Variants in CHGB observed in about 807,000 individuals in gnomAD.
CHGB encodes the protein chromogranin B.
In CHGB, 46 loss-of-function variants were observed where a neutral mutation model predicts 69.9. The observed-to-expected ratio is 0.66, with a 90% confidence interval of 0.52 to 0.84. CHGB has a LOEUF of 0.84. Ranked by LOEUF, CHGB falls within the 40% of genes least tolerant of loss-of-function variation. The probability of loss-of-function intolerance (pLI) is 0.00; values close to 1 mark genes in which losing one functional copy is unlikely to be tolerated. For synonymous variants in CHGB, 312 were observed against 298.2 expected (o/e 1.05, Z -0.48); for missense variants, 796 against 822.2 (o/e 0.97, Z 0.39).
rs776406882 is a variant in CHGB at position 5,911,670 on chromosome 20, G to T, written c.37G>T (p.Val13Leu). ...GCTGCTTCTCAGCCTCCTGGGAGCC[G>T]TGGGGCTGGCGGGTGAGTGGGCGCG... ...PTLLLSLLGA[V>L]GLAAVNSMPV... Residue 13 changes from valine to leucine, a missense_variant, in exon 1 of 5, where the codon GTG becomes TTG. By Grantham distance (32) the Val-to-Leu change is conservative. Coordinates refer to ENST00000378961, the MANE Select transcript of CHGB (RefSeq NM_001819.3). 1.4e-5 allele frequency: 21 copies of T among 1,488,032 alleles called. No individual in the cohort carries two copies. The South Asian group carries it at 2.4e-4, about 17-fold the overall frequency. The allele number at this position is 1,488,032 out of a possible 1,614,324, so 92.2% of individuals were successfully genotyped here.
intron 1 of CHGB, among the ~76,000 whole-genome samples, chr20:5,913,901 A>C (rs774172077): frequency 2.0e-5 from 3 of 151,986 alleles, no homozygotes; most frequent in Non-Finnish European, 4.4e-5. Flanking sequence ...CAAAGTGTTG[A>C]GATTACAGGC....
At chr20:5,918,517 A>G (rs888908557) in intron 3 of CHGB, among the ~76,000 whole-genome samples, 8 of 152,112 alleles carry the variant, frequency 5.3e-5, no homozygotes, top group Non-Finnish European at 8.8e-5. Flanking sequence ...TGATTGGCCA[A>G]AAGAGTAACC....
At chr20:5,918,969 C>A (rs1421278526) in intron 3 of CHGB, among the ~76,000 whole-genome samples, 1 of 152,086 alleles carries the variant, frequency 6.6e-6, no homozygotes, top group African/African-American at 2.4e-5. Context: ...AGCCCACATA[C>A]CTCTTTCTGA....
intron 3 of CHGB, among the ~76,000 whole-genome samples, chr20:5,920,132 G>A (rs958570132): frequency 2.0e-5 from 3 of 152,168 alleles, no homozygotes; most frequent in African/African-American, 7.2e-5. Flanking sequence ...CACCTGCGGG[G>A]CTTAAAGCTA....
At position 5,916,876 on chromosome 20, in the gene CHGB, C is replaced by A; in HGVS notation, c.147C>A (p.Ser49Arg). ...TCTCAAATGCCTTGTCGAAGTCCAGCGCTCCACCCATCACCCCTGAGTGCC... is the reference window on the plus strand; with the variant it reads ...TCTCAAATGCCTTGTCGAAGTCCAGAGCTCCACCCATCACCCCTGAGTGCC... ...EVLSNALSKSSAPPITPECRQ... is the reference protein window; with the variant it reads ...EVLSNALSKSRAPPITPECRQ... The change falls in exon 3 of 5, where the codon AGC becomes AGA. Residue 49 changes from serine (S) to arginine (R), a missense_variant. Ser to Arg is a moderately radical substitution (Grantham distance 110). Transcript: ENST00000378961. 2.5e-6 allele frequency: 4 copies of A among 1,614,146 alleles called. No individual in the cohort carries two copies. The highest frequency in any genetic ancestry group is 3.4e-6 in the Non-Finnish European group (4 of 1,180,024).
chr20:5,923,674 C>T lies in CHGB; in HGVS notation c.1530C>T (p.His510=), dbSNP rs142111853. Residue 510 remains histidine, a synonymous_variant, in exon 4 of 5, where the codon CAC becomes CAT. Coordinates refer to ENST00000378961, the MANE Select transcript of CHGB (RefSeq NM_001819.3). ...RFQDKQYSSH[H]TAEKRKRLGE... ...AAGATAAACAATATAGCTCCCATCACACAGCTGAAAAGAGGAAGAGATTAG... is the reference window on the plus strand; with the variant it reads ...AAGATAAACAATATAGCTCCCATCATACAGCTGAAAAGAGGAAGAGATTAG... The T allele has an allele frequency of 3.8e-5, 62 of 1,614,112 alleles. No homozygotes were observed. In the African/African-American group the frequency reaches 7.2e-4, roughly 19 times the overall value.
intron 1 of CHGB, among the ~76,000 whole-genome samples, chr20:5,913,402 G>C (rs1600210291): frequency 6.6e-6 from 1 of 152,096 alleles, no homozygotes; most frequent in Non-Finnish European, 1.5e-5. Context: ...AGACATGTTA[G>C]ACTTCAAGTA....
intron 4 of CHGB, 69 bp from the exon 5 acceptor site, chr20:5,924,903 T>C: frequency 2.2e-6 from 2 of 902,698 alleles, no homozygotes; most frequent in Non-Finnish European, 3.7e-6. Flanking sequence ...TTTGCACTCA[T>C]GCTCCATCAA....
In CHGB at chr20:5,911,586, G is replaced by T. The variant is rs748723984; in HGVS notation, c.-48G>T. ...CCTTCCTCCTGCGCCTCGCTTCTCC[G>T]GTCCAGCCGCCATCTTCCTTTCCGC... On this transcript the variant is annotated 5_prime_UTR_variant, in exon 1 of 5. Transcript: ENST00000378961. 38 of 1,514,852 alleles carry T rather than the reference G, an allele frequency of 2.5e-5. No homozygotes were observed. The highest frequency in any genetic ancestry group is 1.1e-4 in the South Asian group (9 of 83,288). 93.8% of individuals were successfully genotyped at this position (1,514,852 alleles called of 1,614,324 possible).
chr20:5,912,048 G>A lies in CHGB; in HGVS notation c.49+366G>A, dbSNP rs575035775. 1.4e-4 allele frequency among the ~76,000 whole-genome samples: 22 copies of A among 152,318 alleles called. 1 individual carries two copies. The South Asian group carries it at 4.6e-3, about 32-fold the overall frequency. On this transcript the variant is annotated intron_variant, in intron 1 of 4. Transcript: ENST00000378961. ...TAGAGAGATTCTGTTGTCTGATTCTGTATCTGTTTGGCTTTTTAAAGCCAG... is the reference window on the plus strand; with the variant it reads ...TAGAGAGATTCTGTTGTCTGATTCTATATCTGTTTGGCTTTTTAAAGCCAG...
In CHGB at chr20:5,922,754, C is replaced by T; in HGVS notation, c.610C>T (p.Gln204Ter). 6.2e-7 allele frequency: 1 copy of T among 1,614,096 alleles called. No homozygotes were observed. Among genetic ancestry groups the T allele is most frequent in the East Asian group, 2.2e-5 (1 of 44,882 alleles). ...AAACGCTTTTCTCAATGAAAGAAAG[C>T]AGGCTTCAGCTATAAAAAAAGAGGA... ...TQNAFLNERK[Q>*]ASAIKKEELV... is the part of the protein sequence containing the mutation. The change falls in exon 4 of 5, where the codon CAG (glutamine) becomes TAG (stop). Residue 204 changes from glutamine to a stop codon, truncating the protein, a stop_gained. Transcript: ENST00000378961. LOFTEE classifies it high-confidence loss of function.
intron 3 of CHGB, 108 bp from the exon 4 acceptor site, chr20:5,922,227 A>C: frequency 7.3e-7 from 1 of 1,363,822 alleles, no homozygotes; most frequent in African/African-American, 1.5e-5. Flanking sequence ...TTAAATAATT[A>C]TCCAAGCAAT....
rs2088520292 is a variant in CHGB, at chr20:5,922,515, C to A, written c.371C>A (p.Ala124Glu). 4.3e-6 allele frequency: 7 copies of A among 1,612,824 alleles called. No individual in the cohort carries two copies. The highest frequency in any genetic ancestry group is 5.9e-6 in the Non-Finnish European group (7 of 1,179,278). The part of the protein sequence containing the change: ...GPTKADTEKW[A>E]EGGGHSRERA... ...ACAAAGGCAGACACAGAGAAATGGG[C>A]AGAGGGAGGCGGGCACAGCCGAGAG... Residue 124 changes from alanine to glutamate, a missense_variant, in exon 4 of 5, where the codon GCA (alanine) becomes GAA (glutamate). Transcript: ENST00000378961.
intron 1 of CHGB, among the ~76,000 whole-genome samples, chr20:5,912,434 T>A (rs1429033506): frequency 6.6e-6 from 1 of 152,140 alleles, no homozygotes; most frequent in Non-Finnish European, 1.5e-5. Context: ...ACTTCTGTAC[T>A]CCAGGAAAAT....
intron 2 of CHGB, 23 bp from the exon 3 acceptor site, chr20:5,916,803 C>G (rs1364575125): frequency 1.2e-6 from 2 of 1,612,776 alleles, no homozygotes; most frequent in South Asian, 2.2e-5. Flanking sequence ...GCTTCTCCAA[C>G]CTGCTTTCGG....
chr20:5,918,816 A>G (rs2088495568), intron 3 of CHGB, among the ~76,000 whole-genome samples: 1 of 86,668 alleles, frequency 1.2e-5, no homozygotes, highest in African/African-American at 4.9e-5. Context: ...TGTCTAAAAA[A>G]AAAAAAAAAA....
At chr20:5,914,598 G>A (rs2088465330) in intron 1 of CHGB, 2 of 152,206 alleles carry the variant, frequency 1.3e-5, no homozygotes, top group Admixed American at 6.5e-5. Context: ...TGATTTATTA[G>A]GGGAGTTATT....
rs2122564055 is a variant in CHGB, at chr20:5,911,698, G to T, written c.49+16G>T. On this transcript the variant is annotated intron_variant, in intron 1 of 4. Transcript: ENST00000378961. ...GGGCTGGCGGGTGAGTGGGCGCGGC[G>T]GGCCGGTCAGCACCGCGGACAGCGC... The T allele has an allele frequency of 6.9e-7, 1 of 1,449,216 alleles. No homozygotes were observed. 89.8% of individuals were successfully genotyped at this position (1,449,216 alleles called of 1,614,324 possible).
rs1165115296 is a variant in CHGB at position 5,916,891 on chromosome 20, C to T, written c.162C>T (p.Thr54=). ...ALSKSSAPPI[T]PECRQVLKTS... is the part of the protein sequence containing the mutation. The stretch of plus-strand genomic sequence containing the variant: ...CGAAGTCCAGCGCTCCACCCATCAC[C>T]CCTGAGTGCCGCCAAGTCCTGAAGA... The change falls in exon 3 of 5, where the codon ACC becomes ACT. Residue 54 remains threonine (T), a synonymous_variant. Coordinates refer to ENST00000378961, the MANE Select transcript of CHGB (RefSeq NM_001819.3). The T allele has an allele frequency of 6.2e-7, 1 of 1,614,202 alleles. No individual in the cohort carries two copies. Among genetic ancestry groups the T allele is most frequent in the Middle Eastern group, 1.6e-4 (1 of 6,062 alleles).
Sources: gnomAD v4.1 joint callset for allele counts (sites outside exome capture counted in the v4.1 genomes callset) on GRCh38, gnomAD v4.1.1 for gene constraint, MANE v1.5 for transcripts, NCBI Gene and HGNC (gene_info 2026-07-23, HGNC 2026-07-21) for gene names.